The following RHOU variants were observed in gnomAD, a reference collection of about 807,000 sequenced individuals.
The protein encoded by RHOU is rho-related GTP-binding protein RhoU.
RHOU carries 8 observed loss-of-function variants against 12.6 expected under a neutral mutation model. The observed-to-expected ratio is 0.64, with a 90% CI of 0.37 to 1.15. The LOEUF is 1.15. RHOU is among the 50% of genes most tolerant of loss of function. RHOU has a pLI of 0.01. For missense variants in RHOU, 258 were observed against 347.0 expected (o/e 0.74, Z 2.04); for synonymous variants, 161 against 147.4 (o/e 1.09, Z -0.67).
the RHOU span, among the ~76,000 whole-genome samples, chr1:228,647,745 T>G: frequency 0.012 from 1,834 of 152,244 alleles, 28 homozygotes; most frequent in African/African-American, 0.042. Context: ...CCGCCCATCC[T>G]GAATAGTTGT....
the RHOU span, among the ~76,000 whole-genome samples, chr1:228,693,037 A>C: frequency 6.6e-6 from 1 of 152,230 alleles, no homozygotes; most frequent in Non-Finnish European, 1.5e-5. Context: ...TTCATTAAGA[A>C]GGGTACAACA....
At chr1:228,691,942 G>A in the RHOU span, among the ~76,000 whole-genome samples, 1 of 152,154 alleles carries the variant, frequency 6.6e-6, no homozygotes, top group East Asian at 1.9e-4. Context: ...ATTGTACTTG[G>A]GAATGATTAG....
chr1:228,704,036 A>G, the RHOU span, among the ~76,000 whole-genome samples: 1 of 152,190 alleles, frequency 6.6e-6, no homozygotes, highest in Admixed American at 6.5e-5. Flanking sequence ...AGACAAATGC[A>G]TATCTGATTG....
chr1:228,671,252 G>A, the RHOU span, among the ~76,000 whole-genome samples: 3 of 152,062 alleles, frequency 2.0e-5, no homozygotes, highest in Admixed American at 6.6e-5. Flanking sequence ...TGATCCACTC[G>A]CCTTGACCTC....
the RHOU span, among the ~76,000 whole-genome samples, chr1:228,700,859 G>A: frequency 6.6e-6 from 1 of 152,102 alleles, no homozygotes; most frequent in African/African-American, 2.4e-5. Flanking sequence ...GACCGAGGCC[G>A]GTGGATTGCT....
In RHOU at chr1:228,745,599, G is replaced by C. The variant is rs1662815557; in HGVS notation, c.*1859G>C. ...GACTGATTGATTATTCAACACATTG[G>C]AATTGATGTCGGTCATAGTTTCCTG... On this transcript the variant is annotated 3_prime_UTR_variant, in exon 3 of 3. Coordinates refer to ENST00000366691, the MANE Select transcript of RHOU (RefSeq NM_021205.6). The C allele has an allele frequency of 2.6e-5, 4 of 152,284 alleles. No individual in the cohort carries two copies. The East Asian group carries it at 7.7e-4, about 29-fold the overall frequency. The allele number at this position is 152,284 out of a possible 1,614,324, so 9.4% of individuals were successfully genotyped here.
the RHOU span, among the ~76,000 whole-genome samples, chr1:228,729,221 T>C: frequency 4.6e-5 from 7 of 152,178 alleles, no homozygotes; most frequent in Non-Finnish European, 7.3e-5. Flanking sequence ...AAATTTTATA[T>C]AAATCAAATA....
the RHOU span, among the ~76,000 whole-genome samples, chr1:228,704,114 G>T: frequency 2.5e-4 from 38 of 152,072 alleles, no homozygotes; most frequent in African/African-American, 8.7e-4. Context: ...TGTATCCAGT[G>T]GAAGGCTCAT....
At chr1:228,680,719 G>A in the RHOU span, among the ~76,000 whole-genome samples, 5 of 152,164 alleles carry the variant, frequency 3.3e-5, no homozygotes, top group African/African-American at 4.8e-5. Flanking sequence ...GGTCTAGGGC[G>A]GTAAAGCATC....
At chr1:228,674,346 C>CTTTT in the RHOU span, among the ~76,000 whole-genome samples, 1 of 135,970 alleles carries the variant, frequency 7.4e-6, no homozygotes, top group African/African-American at 2.8e-5. Flanking sequence ...TGTTTAGTAC[C>CTTTT]TTTTTTTTTT....
At chr1:228,693,429 AC>A in the RHOU span, among the ~76,000 whole-genome samples, 1 of 152,296 alleles carries the variant, frequency 6.6e-6, no homozygotes, top group East Asian at 1.9e-4. Flanking sequence ...AGACATTGAC[AC>A]CCAGCTGAAA....
the RHOU span, among the ~76,000 whole-genome samples, chr1:228,704,885 C>T: frequency 6.6e-6 from 1 of 152,094 alleles, no homozygotes; most frequent in African/African-American, 2.4e-5. Flanking sequence ...TCACTGCAAC[C>T]TTCACCTCCT....
the RHOU span, among the ~76,000 whole-genome samples, chr1:228,708,136 G>A: frequency 1.9e-4 from 29 of 152,134 alleles, no homozygotes; most frequent in South Asian, 8.3e-4. Context: ...CGAGCAAAGC[G>A]TCCAAGAAAT....
chr1:228,649,912 A>T, the RHOU span, among the ~76,000 whole-genome samples: 1 of 152,370 alleles, frequency 6.6e-6, no homozygotes, highest in South Asian at 2.1e-4. Flanking sequence ...CTAAGACGTC[A>T]TCAGTTGTAA....
In RHOU at chr1:228,737,796, C is replaced by G. The variant is rs1371699663; in HGVS notation, c.321+65C>G. 8 of 1,521,304 alleles carry G rather than the reference C, an allele frequency of 5.3e-6. No homozygotes were observed. Among genetic ancestry groups the G allele is most frequent in the Admixed American group, 3.4e-5 (2 of 59,602 alleles). The allele number at this position is 1,521,304 out of a possible 1,614,324, so 94.2% of individuals were successfully genotyped here. A position where few individuals can be genotyped will look rare whatever the true frequency, so the allele number is the denominator to read the frequency against. On this transcript the variant is annotated intron_variant, in intron 2 of 2. Transcript: ENST00000366691. The surrounding 1 kb of genome is among the most constrained non-coding windows in gnomAD (Gnocchi z 4.1). ...AGCCTTTTAAAGATTTCCAAATAAC[C>G]TTTGATTCCCTCAGTCAGTAACTGG...
chr1:228,741,126 A>G lies in RHOU; in HGVS notation c.322-2159A>G, dbSNP rs150099181. ...AAAAATCAAGTTGCAGCTAGACCAG[A>G]GGGATGTAGAATCCAGTCTCGTCTC... On this transcript the variant is annotated intron_variant, in intron 2 of 2. Transcript: ENST00000366691. Among the ~76,000 whole-genome samples the G allele has an allele frequency of 2.5e-3, 384 of 152,006 alleles. 1 individual carries two copies. Among genetic ancestry groups the G allele is most frequent in the African/African-American group, 8.9e-3 (371 of 41,480 alleles).
chr1:228,646,855 G>A, the RHOU span, among the ~76,000 whole-genome samples: 7 of 152,042 alleles, frequency 4.6e-5, no homozygotes, highest in East Asian at 7.8e-4. Context: ...AGGAGAGCAA[G>A]GAGAAGATGG....
Position 228,735,992 on chromosome 1 carries a change from G to T in RHOU, c.250G>T (p.Asp84Tyr). ...CACCGAGTACATCCCTACTGCCTTC[G>T]ACAACTTCTCCGGTGAGCTGGCCGG... ...YPTEYIPTAFDNFSAVVSVDG... is the reference protein window; with the variant it reads ...YPTEYIPTAFYNFSAVVSVDG... The change falls in exon 1 of 3, where the codon GAC (aspartate) becomes TAC (tyrosine). Residue 84 changes from aspartate (D) to tyrosine (Y), a missense_variant. Transcript: ENST00000366691. The surrounding 1 kb of genome is among the most constrained non-coding windows in gnomAD (Gnocchi z 8.1). 1 of 1,577,460 alleles carries T rather than the reference G, an allele frequency of 6.3e-7. No homozygotes were observed. The highest frequency in any genetic ancestry group is 1.4e-5 in the African/African-American group (1 of 71,868).
At chr1:228,659,966 CA>C in the RHOU span, among the ~76,000 whole-genome samples, 7,782 of 76,620 alleles carry the variant, frequency 0.1, 215 homozygotes, top group Non-Finnish European at 0.11. Context: ...AAAAAAAAAA[CA>C]AAAAAAAAAA....
Sources: gnomAD v4.1 joint callset for allele counts (sites outside exome capture counted in the v4.1 genomes callset) on GRCh38, gnomAD v4.1.1 for gene constraint, Gnocchi (gnomAD v3.1) non-coding constraint, MANE v1.5 for transcripts, NCBI Gene and HGNC (gene_info 2026-07-23, HGNC 2026-07-21) for gene names.